The following ITPR3 variants were observed in gnomAD, a reference collection of about 807,000 sequenced individuals.
ITPR3 encodes the protein inositol 1,4,5-trisphosphate receptor type 3, also known as inositol 1,4,5-trisphosphate-gated calcium channel ITPR3.
ITPR3 carries 173 observed loss-of-function variants against 293.2 expected under a neutral mutation model. The observed-to-expected ratio is 0.59, with a 90% CI of 0.52 to 0.67. The LOEUF (loss-of-function observed/expected upper bound fraction) is 0.67, where lower values mean the gene tolerates loss of function less well. Ranked by LOEUF, ITPR3 falls within the 30% of genes least tolerant of loss-of-function variation. ITPR3 has a pLI of 0.00. For missense variants in ITPR3, 2,796 were observed against 3,592.1 expected, an observed-to-expected ratio of 0.78 and a Z score of 5.66; for synonymous variants, 1,295 against 1,444.4, an observed-to-expected ratio of 0.90 and a Z score of 2.35.
rs377064565 is a variant in ITPR3 at position 33,667,975 on chromosome 6, A to T, written c.1886+11A>T. The stretch of plus-strand genomic sequence containing the variant: ...GAACCGGGAGCCCAGGTGGGCCCGA[A>T]CCCCCTCCCCGGCCGGCGCCTGCTC... On this transcript the variant is annotated intron_variant, in intron 16 of 57. Coordinates refer to ENST00000605930, the MANE Select transcript of ITPR3 (RefSeq NM_002224.4). This position sits in a 1 kb window ranked among gnomAD's most constrained non-coding sequence, Gnocchi z 4.4. 307 of 1,613,316 alleles carry T rather than the reference A, an allele frequency of 1.9e-4. 2 individuals are homozygous for T. The South Asian group carries it at 3.2e-3, about 17-fold the overall frequency.
chr6:33,670,191 T>C lies in ITPR3; in HGVS notation c.2190-134T>C. The C allele has an allele frequency of 1.1e-6, 1 of 921,700 alleles. No homozygotes were observed. Among genetic ancestry groups the C allele is most frequent in the Non-Finnish European group, 1.7e-6 (1 of 601,018 alleles). 57.1% of individuals were successfully genotyped at this position (921,700 alleles called of 1,614,324 possible). ...CAGGTTTTCCGTTCACCTTTCTAAC[T>C]CAGAATTGCAGCTGGCGCATCTTTA... On this transcript the variant is annotated intron_variant, in intron 18 of 57. Transcript: ENST00000605930. This position sits in a 1 kb window ranked among gnomAD's most constrained non-coding sequence, Gnocchi z 6.7.
At position 33,665,060 on chromosome 6, in the gene ITPR3, C is replaced by T; in HGVS notation, c.1256C>T (p.Thr419Ile). 6.2e-7 allele frequency: 1 copy of T among 1,613,804 alleles called. No individual in the cohort carries two copies. Among genetic ancestry groups the T allele is most frequent in the Non-Finnish European group, 8.5e-7 (1 of 1,180,006 alleles). ...TGACCCCTGTCTCTGCAGCTGGGCA[C>T]CTGCCCCACCAAGGAGGACAAGGAG... Reference protein sequence around the residue: ...EERPIRLMLGTCPTKEDKEAF... With the variant: ...EERPIRLMLGICPTKEDKEAF... The change falls in exon 13 of 58, where the codon ACC becomes ATC. Residue 419 changes from threonine (T) to isoleucine (I), a missense_variant. Thr to Ile is a moderately conservative substitution (Grantham distance 89). Coordinates refer to ENST00000605930, the MANE Select transcript of ITPR3 (RefSeq NM_002224.4).
chr6:33,673,814 T>C, intron 23 of ITPR3, 94 bp downstream of exon 23: 1 of 1,435,182 alleles, frequency 7.0e-7, no homozygotes, highest in South Asian at 1.3e-5. Context: ...CCTGCTCCTT[T>C]TTCTAGTCTG....
chr6:33,645,530 C>T (rs142913076), intron 2 of ITPR3, among the ~76,000 whole-genome samples: 3 of 152,104 alleles, frequency 2.0e-5, no homozygotes, highest in African/African-American at 7.2e-5. Context: ...CAATTGCCTG[C>T]GATGCTGCAG....
At chr6:33,693,229 G>C (rs1426201550) in intron 55 of ITPR3, among the ~76,000 whole-genome samples, 1 of 152,220 alleles carries the variant, frequency 6.6e-6, no homozygotes, top group Non-Finnish European at 1.5e-5. Flanking sequence ...GGCTCAGGCA[G>C]GTGTCACCTG....
At chr6:33,694,723 G>GCCGT in intron 56 of ITPR3, 13 of 612,000 alleles carry the variant, frequency 2.1e-5, no homozygotes, top group South Asian at 6.3e-5. Flanking sequence ...CTCGGTGGCA[G>GCCGT]AGGGTTGACA....
chr6:33,625,714 T>C lies in ITPR3; in HGVS notation c.89+4023T>C, dbSNP rs184091593. 1.5e-3 allele frequency among the ~76,000 whole-genome samples: 227 copies of C among 152,264 alleles called. 2 individuals carry two copies. The highest frequency in any genetic ancestry group is 0.014 in the Admixed American group (210 of 15,298). On this transcript the variant is annotated intron_variant, in intron 1 of 57. Transcript: ENST00000605930. ...CCTCTGGACCTGGATCACCCAGGGCTGGGTAATCATAGTGAGTAGGAGATG... is the reference window on the plus strand; with the variant it reads ...CCTCTGGACCTGGATCACCCAGGGCCGGGTAATCATAGTGAGTAGGAGATG...
intron 2 of ITPR3, among the ~76,000 whole-genome samples, chr6:33,643,748 G>T (rs12205667): frequency 0.13 from 19,131 of 152,158 alleles, 1,613 homozygotes; most frequent in Middle Eastern, 0.21. Flanking sequence ...GTGGGGGCAG[G>T]TGCCAGGGAG....
Position 33,680,469 on chromosome 6 carries a change from G to C in ITPR3, c.4350+15G>C. 6.2e-7 allele frequency: 1 copy of C among 1,612,300 alleles called. No individual in the cohort carries two copies. The highest frequency in any genetic ancestry group is 8.5e-7 in the Non-Finnish European group (1 of 1,179,516). ...ACATGGCCCGGGTCTGTCCCTGTGA[G>C]GGGTGTGGGTGAAGCCCCCCAGGAG... On this transcript the variant is annotated intron_variant, in intron 32 of 57. Coordinates refer to ENST00000605930, the MANE Select transcript of ITPR3 (RefSeq NM_002224.4).
chr6:33,641,615 A>G (rs1447470582), intron 2 of ITPR3, among the ~76,000 whole-genome samples: 1 of 151,904 alleles, frequency 6.6e-6, no homozygotes, highest in Non-Finnish European at 1.5e-5. Flanking sequence ...CCGCACCACC[A>G]TAAGGCCCCT....
intron 25 of ITPR3, among the ~76,000 whole-genome samples, chr6:33,676,247 G>A (rs1177566524): frequency 6.6e-6 from 1 of 152,214 alleles, no homozygotes; most frequent in African/African-American, 2.4e-5. Context: ...CCATGTACCA[G>A]GCACTGAGTA....
rs954439064 is a variant in ITPR3 at position 33,679,815 on chromosome 6, A to G, written c.3973-67A>G. 5.2e-6 allele frequency: 8 copies of G among 1,540,524 alleles called. No individual in the cohort carries two copies. In the Admixed American group the frequency reaches 5.6e-5, roughly 11 times the overall value. On this transcript the variant is annotated intron_variant, in intron 30 of 57. Transcript: ENST00000605930. This position sits in a 1 kb window ranked among gnomAD's most constrained non-coding sequence, Gnocchi z 4.2. The stretch of plus-strand genomic sequence containing the variant: ...GAGTCCCAGTTTCTCCCTGGTAAGC[A>G]ACGGAGAGGAGAGCCCAGGGCTTGC...
At chr6:33,690,870 G>A (rs546019815) in intron 51 of ITPR3, 47 bp from the exon 52 acceptor site, 72 of 1,570,628 alleles carry the variant, frequency 4.6e-5, no homozygotes, top group South Asian at 4.4e-4. Flanking sequence ...GAGAGTGGCC[G>A]GCCCAGCCCC....
intron 2 of ITPR3, among the ~76,000 whole-genome samples, chr6:33,645,648 G>A (rs1431578554): frequency 2.0e-5 from 3 of 152,226 alleles, no homozygotes; most frequent in Non-Finnish European, 4.4e-5. Context: ...ACCCTGTGGC[G>A]ACTGTGGGGG....
intron 1 of ITPR3, among the ~76,000 whole-genome samples, chr6:33,622,411 G>C (rs1388294862): frequency 6.6e-6 from 1 of 152,194 alleles, no homozygotes; most frequent in African/African-American, 2.4e-5. Context: ...CACGTCCCTG[G>C]AGAGGGCCAG....
intron 2 of ITPR3, among the ~76,000 whole-genome samples, chr6:33,652,079 C>A (rs1024740149): frequency 6.6e-6 from 1 of 152,160 alleles, no homozygotes; most frequent in South Asian, 2.1e-4. Flanking sequence ...CACCTCTCAG[C>A]CCTTCCGGTC....
At position 33,663,819 on chromosome 6, in the gene ITPR3, A is replaced by G. The variant is rs756073975; in HGVS notation, c.1087A>G (p.Ile363Val). 33 of 1,614,006 alleles carry G rather than the reference A, an allele frequency of 2.0e-5. No homozygotes were observed. The highest frequency in any genetic ancestry group is 2.7e-5 in the Non-Finnish European group (32 of 1,180,006). ...GGTGGCTGTGCCTCATGGCAATGAC[A>G]TCGCCTCTCTCTTTGAGCTGGACCC... ...CLVAVPHGNDIASLFELDPTT... is the reference protein window; with the variant it reads ...CLVAVPHGNDVASLFELDPTT... The change falls in exon 11 of 58, where the codon ATC becomes GTC. Residue 363 changes from isoleucine to valine, a missense_variant. Coordinates refer to ENST00000605930, the MANE Select transcript of ITPR3 (RefSeq NM_002224.4).
rs762023691 is a variant in ITPR3, at chr6:33,678,476, T to C, written c.3704T>C (p.Phe1235Ser). 5 of 1,613,554 alleles carry C rather than the reference T, an allele frequency of 3.1e-6. No individual in the cohort carries two copies. Among genetic ancestry groups the C allele is most frequent in the Non-Finnish European group, 4.2e-6 (5 of 1,180,024 alleles). Residue 1235 changes from phenylalanine (F) to serine (S), a missense_variant, in exon 29 of 58, where the codon TTC (phenylalanine) becomes TCC (serine). Coordinates refer to ENST00000605930, the MANE Select transcript of ITPR3 (RefSeq NM_002224.4). The part of the protein sequence containing the change: ...LRYTHQFLQK[F>S]CAGNPGNQAL... Reference sequence around the variant, plus strand: ...TACACGCACCAGTTCCTGCAGAAGTTCTGTGCAGGGAACCCCGGCAACCAG... The same window carrying C: ...TACACGCACCAGTTCCTGCAGAAGTCCTGTGCAGGGAACCCCGGCAACCAG...
At chr6:33,634,348 A>T (rs1373582243) in intron 1 of ITPR3, among the ~76,000 whole-genome samples, 1 of 152,170 alleles carries the variant, frequency 6.6e-6, no homozygotes, top group Non-Finnish European at 1.5e-5. Context: ...AATGGAGCTT[A>T]GCATTCCCAG....
Sources: allele counts gnomAD v4.1 joint callset (sites outside exome capture counted in the v4.1 genomes callset), GRCh38; gene constraint gnomAD v4.1.1; non-coding constraint Gnocchi (gnomAD v3.1); transcripts MANE v1.5; gene names NCBI Gene and HGNC (gene_info 2026-07-23, HGNC 2026-07-21).